The following YWHAH variants were observed in gnomAD, a reference collection of about 807,000 sequenced individuals.
YWHAH encodes the protein 14-3-3 protein eta.
In YWHAH, 6 loss-of-function variants were observed where a neutral mutation model predicts 22.9. The ratio of observed to expected loss-of-function variants is 0.26; its 90% confidence interval spans 0.14 to 0.52. The LOEUF (loss-of-function observed/expected upper bound fraction) is 0.52, where lower values mean the gene tolerates loss of function less well. YWHAH is among the 20% of genes least tolerant of loss of function. The pLI is 0.97. For synonymous variants in YWHAH, 135 were observed against 124.5 expected (o/e 1.08, Z -0.56); for missense variants, 173 against 308.6 (o/e 0.56, Z 3.29).
At chr22:31,953,780 A>AT in intron 1 of YWHAH, among the ~76,000 whole-genome samples, 1 of 152,298 alleles carries the variant, frequency 6.6e-6, no homozygotes, top group South Asian at 2.1e-4. Context: ...AATGGTCAGG[A>AT]TAGCTGTTAG....
chr22:31,956,378 C>A lies in YWHAH; in HGVS notation c.327C>A (p.Ile109=). The change falls in exon 2 of 2, where the codon ATC becomes ATA. Residue 109 remains isoleucine (I), a synonymous_variant. Transcript: ENST00000248975. This position sits in a 1 kb window ranked among gnomAD's most constrained non-coding sequence, Gnocchi z 5.1. ...DVLSLLDKFL[I]KNCNDFQYES... ...TGTCTCTGCTTGACAAGTTCCTGAT[C>A]AAGAACTGCAATGATTTCCAGTATG... 1 of 1,614,102 alleles carries A rather than the reference C, an allele frequency of 6.2e-7. No homozygotes were observed. The highest frequency in any genetic ancestry group is 8.5e-7 in the Non-Finnish European group (1 of 1,180,032).
chr22:31,955,082 C>G (rs1242853599), intron 1 of YWHAH, among the ~76,000 whole-genome samples: 1 of 152,212 alleles, frequency 6.6e-6, no homozygotes, highest in Non-Finnish European at 1.5e-5. Context: ...TCCTTGATGA[C>G]CAGAGTTTCC....
chr22:31,954,706 C>T (rs1041919704), intron 1 of YWHAH, among the ~76,000 whole-genome samples: 16 of 152,114 alleles, frequency 1.1e-4, no homozygotes, highest in African/African-American at 2.7e-4. Flanking sequence ...CTTGTAGATG[C>T]GTCACTCCAG....
intron 1 of YWHAH, 175 bp downstream of exon 1, chr22:31,944,995 C>T (rs1221274025): frequency 9.8e-5 from 110 of 1,120,180 alleles, no homozygotes; most frequent in Non-Finnish European, 1.2e-4. Context: ...CGCCCCGCCA[C>T]TTCCTGAGGC....
intron 1 of YWHAH, chr22:31,945,569 A>T: frequency 7.7e-7 from 1 of 1,304,000 alleles, no homozygotes; most frequent in Non-Finnish European, 1.0e-6. Context: ...TCTCCGGTGG[A>T]TGAGTCGTGC....
intron 1 of YWHAH, among the ~76,000 whole-genome samples, chr22:31,955,118 C>G (rs2858753): frequency 0.51 from 77,926 of 152,126 alleles, 22,269 homozygotes; most frequent in African/African-American, 0.78. Context: ...AGTACAACTT[C>G]CTGCTGAGTA....
At chr22:31,953,932 G>A (rs2149468450) in intron 1 of YWHAH, among the ~76,000 whole-genome samples, 1 of 152,294 alleles carries the variant, frequency 6.6e-6, no homozygotes, top group East Asian at 1.9e-4. Context: ...TTTTGTCTGG[G>A]GCTTGGGGGT....
intron 1 of YWHAH, among the ~76,000 whole-genome samples, chr22:31,946,354 T>C (rs1207640687): frequency 6.6e-6 from 1 of 152,194 alleles, no homozygotes; most frequent in Non-Finnish European, 1.5e-5. Context: ...GACGAATGCA[T>C]TTCCTTGGAA....
At chr22:31,947,334 T>C in intron 1 of YWHAH, 1 of 442,976 alleles carries the variant, frequency 2.3e-6, no homozygotes, top group Non-Finnish European at 4.7e-6. Context: ...ATAAAACTAG[T>C]GATGTTGCTG....
intron 1 of YWHAH, among the ~76,000 whole-genome samples, chr22:31,947,080 T>G (rs1397687803): frequency 6.6e-6 from 1 of 152,236 alleles, no homozygotes; most frequent in Non-Finnish European, 1.5e-5. Context: ...ATTAAATTCT[T>G]AATGTTACTG....
At chr22:31,951,959 G>A (rs1185694950) in intron 1 of YWHAH, among the ~76,000 whole-genome samples, 1 of 152,178 alleles carries the variant, frequency 6.6e-6, no homozygotes, top group Non-Finnish European at 1.5e-5. Context: ...CACCTAGAAA[G>A]CAGAGAGGCT....
chr22:31,957,164 T>G lies in YWHAH; in HGVS notation c.*372T>G, dbSNP rs2093850600. On this transcript the variant is annotated 3_prime_UTR_variant, in exon 2 of 2. Transcript: ENST00000248975. The stretch of plus-strand genomic sequence containing the variant: ...CCATTTAAAACAAGCTGATAGTGTT[T>G]CGTTAAGCAGTACATCTTGTGCATG... 1 of 185,120 alleles carries G rather than the reference T, an allele frequency of 5.4e-6. No individual in the cohort carries two copies. Among genetic ancestry groups the G allele is most frequent in the East Asian group, 1.4e-4 (1 of 7,238 alleles). The allele number at this position is 185,120 out of a possible 1,614,324, so 11.5% of individuals were successfully genotyped here. A position where few individuals can be genotyped will look rare whatever the true frequency, so the allele number is the denominator to read the frequency against.
chr22:31,949,233 G>A (rs1007586299), intron 1 of YWHAH, among the ~76,000 whole-genome samples: 6 of 143,180 alleles, frequency 4.2e-5, no homozygotes, highest in Admixed American at 7.2e-5. Context: ...TCTGCCTCCC[G>A]GGTTCAAGCA....
intron 1 of YWHAH, among the ~76,000 whole-genome samples, chr22:31,952,170 A>G (rs919117301): frequency 1.3e-5 from 2 of 152,190 alleles, no homozygotes; most frequent in African/African-American, 4.8e-5. Context: ...ATTTGTGGAG[A>G]TGCAGCAAAT....
At chr22:31,945,562 C>T (rs748034718) in intron 1 of YWHAH, 3 of 1,304,160 alleles carry the variant, frequency 2.3e-6, no homozygotes, top group Non-Finnish European at 3.0e-6. Flanking sequence ...TGCAGCTTCT[C>T]CGGTGGATGA....
At position 31,954,915 on chromosome 22, in the gene YWHAH, C is replaced by T. The variant is rs574636342; in HGVS notation, c.88-1224C>T. On this transcript the variant is annotated intron_variant, in intron 1 of 1. Transcript: ENST00000248975. ...ACCTAGGGTCAGAACTTCAGCGTAT[C>T]TTTTGGCGGGGGATACAGTTCAACC... Among the ~76,000 whole-genome samples, 12 of 152,334 alleles carry T rather than the reference C, an allele frequency of 7.9e-5. No individual in the cohort carries two copies. In the South Asian group the frequency reaches 2.5e-3, roughly 32 times the overall value.
chr22:31,945,623 C>A (rs2093833081), intron 1 of YWHAH: 1 of 1,296,914 alleles, frequency 7.7e-7, no homozygotes, highest in South Asian at 1.2e-5. Flanking sequence ...ACACCACCTG[C>A]ATTTCTGAGT....
chr22:31,945,151 C>T (rs1307050855), intron 1 of YWHAH: 2 of 1,084,672 alleles, frequency 1.8e-6, no homozygotes, highest in East Asian at 7.5e-5. Context: ...GAAGGAGCCG[C>T]ATTTCTCCTA....
chr22:31,953,069 A>C (rs1386181056), intron 1 of YWHAH, among the ~76,000 whole-genome samples: 1 of 152,208 alleles, frequency 6.6e-6, no homozygotes, highest in Non-Finnish European at 1.5e-5. Flanking sequence ...CATGTATTTC[A>C]GATTTGTACT....
Sources: allele counts gnomAD v4.1 joint callset (sites outside exome capture counted in the v4.1 genomes callset), GRCh38; gene constraint gnomAD v4.1.1; non-coding constraint Gnocchi (gnomAD v3.1); transcripts MANE v1.5; gene names NCBI Gene and HGNC (gene_info 2026-07-23, HGNC 2026-07-21).